The following EXOC1L variants were observed in gnomAD, a reference collection of about 807,000 sequenced individuals.
The protein encoded by EXOC1L is exocyst complex component 1-like.
In EXOC1L, 10 loss-of-function variants were observed where a neutral mutation model predicts 4.9. That is an observed-to-expected ratio of 2.02 (90% CI 1.25 to 3.43). The LOEUF (loss-of-function observed/expected upper bound fraction) is 3.43. Among genes scored for constraint, EXOC1L ranks in the 30% most tolerant of loss-of-function variants. EXOC1L has a pLI of 0.00. For synonymous variants in EXOC1L, 41 were observed against 20.8 expected (o/e 1.97, Z -2.63); for missense variants, 114 against 59.4 (o/e 1.92, Z -3.02).
chr4:55,819,847 C>T lies in EXOC1L; in HGVS notation c.-180C>T, dbSNP rs369895957. 8 of 369,286 alleles carry T rather than the reference C, an allele frequency of 2.2e-5. No homozygotes were observed. The highest frequency in any genetic ancestry group is 1.7e-4 in the African/African-American group (8 of 47,898). The allele number at this position is 369,286 out of a possible 1,614,324, so 22.9% of individuals were successfully genotyped here. Reference sequence around the variant, plus strand: ...CAGATACCGCAGTGAGGGGTCTGACCGCGCTGAGTGCTCTCGGGAATCTGG... The same window carrying T: ...CAGATACCGCAGTGAGGGGTCTGACTGCGCTGAGTGCTCTCGGGAATCTGG... On this transcript the variant is annotated 5_prime_UTR_variant, in exon 1 of 3. Coordinates refer to ENST00000636125, the MANE Select transcript of EXOC1L (RefSeq NM_001351574.3).
At chr4:55,827,000 A>G (rs949481122) in intron 1 of EXOC1L, among the ~76,000 whole-genome samples, 1 of 152,218 alleles carries the variant, frequency 6.6e-6, no homozygotes, top group Non-Finnish European at 1.5e-5. Flanking sequence ...CCTCCAACCT[A>G]TCCTTTATGG....
rs558721465 is a variant in EXOC1L, at chr4:55,833,391, T to C, written c.252+1927T>C. Among the ~76,000 whole-genome samples, 4 of 152,046 alleles carry C rather than the reference T, an allele frequency of 2.6e-5. No individual in the cohort carries two copies. In the South Asian group the frequency reaches 8.3e-4, roughly 32 times the overall value. ...AAAAATATGTCAGTATATGTATATA[T>C]GTATATACATGTATAAGTAAAACAA... On this transcript the variant is annotated intron_variant, in intron 2 of 2. Transcript: ENST00000636125.
At chr4:55,823,006 A>T (rs964281869) in intron 1 of EXOC1L, among the ~76,000 whole-genome samples, 4 of 150,998 alleles carry the variant, frequency 2.6e-5, no homozygotes, top group East Asian at 1.9e-4. Context: ...ATATAAAATT[A>T]AAAATTGATA....
chr4:55,822,995 A>C (rs1459738158), intron 1 of EXOC1L, among the ~76,000 whole-genome samples: 2 of 150,956 alleles, frequency 1.3e-5, no homozygotes, highest in Admixed American at 1.3e-4. Context: ...GTGTATATTT[A>C]ATATAAAATT....
intron 1 of EXOC1L, among the ~76,000 whole-genome samples, chr4:55,829,140 C>T (rs1293406720): frequency 2.0e-5 from 3 of 152,250 alleles, no homozygotes; most frequent in South Asian, 2.1e-4. Context: ...GGATTTTCCA[C>T]GTCTTTATCC....
At chr4:55,831,554 C>A in intron 2 of EXOC1L, 90 bp downstream of exon 2, 1 of 563,992 alleles carries the variant, frequency 1.8e-6, no homozygotes, top group Non-Finnish European at 3.1e-6. Flanking sequence ...TTGGCATGTA[C>A]TAAGTGTTAA....
intron 1 of EXOC1L, among the ~76,000 whole-genome samples, chr4:55,825,557 A>C (rs1014408763): frequency 6.6e-6 from 1 of 152,084 alleles, no homozygotes; most frequent in Non-Finnish European, 1.5e-5. Flanking sequence ...GCTAGATTGG[A>C]GCTCATAAAG....
chr4:55,834,656 A>T (rs1054072068), intron 2 of EXOC1L, among the ~76,000 whole-genome samples: 10 of 151,720 alleles, frequency 6.6e-5, no homozygotes, highest in African/African-American at 2.2e-4. Flanking sequence ...GATGCAATGG[A>T]TGTGCTTTCC....
At chr4:55,823,698 TGTTTGTTTGTTTGTTC>T (rs1435143249) in intron 1 of EXOC1L, among the ~76,000 whole-genome samples, 3 of 134,390 alleles carry the variant, frequency 2.2e-5, no homozygotes, top group Middle Eastern at 3.7e-3. Context: ...GTTTTTTGTT[TGTTTGTTTGTTTGTTC>T]GTTTGTTTGT....
chr4:55,832,945 T>C (rs1720070166), intron 2 of EXOC1L, among the ~76,000 whole-genome samples: 1 of 152,016 alleles, frequency 6.6e-6, no homozygotes, highest in Non-Finnish European at 1.5e-5. Flanking sequence ...TCATCTAATC[T>C]GAATATCTAA....
At chr4:55,823,474 A>T (rs1004786798) in intron 1 of EXOC1L, among the ~76,000 whole-genome samples, 4 of 152,196 alleles carry the variant, frequency 2.6e-5, no homozygotes, top group African/African-American at 9.6e-5. Context: ...CTGTGAATTG[A>T]GAACAAACTA....
At chr4:55,836,025 G>A (rs980400426) in intron 2 of EXOC1L, among the ~76,000 whole-genome samples, 5 of 151,840 alleles carry the variant, frequency 3.3e-5, no homozygotes, top group Admixed American at 6.6e-5. Flanking sequence ...TTTTGCCCAT[G>A]GAACAATCAA....
At chr4:55,829,274 C>T (rs1378969083) in intron 1 of EXOC1L, among the ~76,000 whole-genome samples, 1 of 152,176 alleles carries the variant, frequency 6.6e-6, no homozygotes, top group East Asian at 1.9e-4. Flanking sequence ...ATTTTGTCTA[C>T]TTTAGTCTTT....
intron 2 of EXOC1L, among the ~76,000 whole-genome samples, chr4:55,834,511 A>G (rs1275604053): frequency 6.6e-6 from 1 of 151,994 alleles, no homozygotes; most frequent in Admixed American, 6.6e-5. Context: ...ATGCATACTC[A>G]GGCTCCAATT....
intron 1 of EXOC1L, among the ~76,000 whole-genome samples, chr4:55,822,595 C>T (rs577313919): frequency 2.0e-5 from 3 of 152,182 alleles, no homozygotes; most frequent in African/African-American, 7.2e-5. Flanking sequence ...AAGCATTAGC[C>T]AAAACTGGAT....
intron 1 of EXOC1L, among the ~76,000 whole-genome samples, chr4:55,829,362 AATCATTTACTTAGACCACAC>A (rs1378620776): frequency 8.5e-5 from 13 of 152,180 alleles, no homozygotes; most frequent in African/African-American, 2.9e-4. Flanking sequence ...CTAGAGATTA[AATCATTTACTTAGACCACAC>A]TGTTGAGAGG....
At chr4:55,827,854 T>C (rs1719924218) in intron 1 of EXOC1L, among the ~76,000 whole-genome samples, 1 of 152,130 alleles carries the variant, frequency 6.6e-6, no homozygotes, top group South Asian at 2.1e-4. Context: ...GATTCAAGTG[T>C]GCCTCCACTT....
intron 1 of EXOC1L, among the ~76,000 whole-genome samples, chr4:55,828,128 A>C (rs973499792): frequency 1.3e-5 from 2 of 151,572 alleles, no homozygotes; most frequent in African/African-American, 2.4e-5. Context: ...CCTCTTCCAA[A>C]CTCCTGGAAT....
chr4:55,822,198 GCTTTCT>G (rs1362298867), intron 1 of EXOC1L, among the ~76,000 whole-genome samples: 1 of 152,152 alleles, frequency 6.6e-6, no homozygotes, highest in African/African-American at 2.4e-5. Context: ...ATATGGTTAA[GCTTTCT>G]CTTTATATGA....
Sources: gnomAD v4.1 joint callset for allele counts (sites outside exome capture counted in the v4.1 genomes callset) on GRCh38, gnomAD v4.1.1 for gene constraint, MANE v1.5 for transcripts, NCBI Gene and HGNC (gene_info 2026-07-23, HGNC 2026-07-21) for gene names.